The following GNA14 variants were observed in gnomAD, a reference collection of about 807,000 sequenced individuals.
GNA14 encodes the protein G protein subunit alpha 14.
A neutral mutation model predicts 42.0 loss-of-function variants in GNA14; 50 were observed. The observed-to-expected ratio is 1.19, with a 90% CI of 0.95 to 1.51. The LOEUF is 1.51. Among genes scored for constraint, GNA14 ranks in the 40% most tolerant of loss-of-function variants. GNA14 has a pLI of 0.00. For synonymous variants in GNA14, 173 were observed against 163.1 expected (o/e 1.06, Z -0.46); for missense variants, 473 against 446.2 (o/e 1.06, Z -0.54).
At chr9:77,510,258 A>T (rs764887300) in intron 2 of GNA14, among the ~76,000 whole-genome samples, 14 of 152,174 alleles carry the variant, frequency 9.2e-5, no homozygotes, top group Admixed American at 2.0e-4. Flanking sequence ...CATTTAACAC[A>T]GGTTTCCAAG....
intron 2 of GNA14, among the ~76,000 whole-genome samples, chr9:77,448,506 T>G (rs891504741): frequency 6.6e-6 from 1 of 152,240 alleles, no homozygotes; most frequent in African/African-American, 2.4e-5. Flanking sequence ...GCTATTCTGT[T>G]TGGCAGTTTA....
intron 1 of GNA14, among the ~76,000 whole-genome samples, chr9:77,591,007 C>T (rs898542810): frequency 2.6e-5 from 4 of 152,142 alleles, no homozygotes; most frequent in Non-Finnish European, 4.4e-5. Flanking sequence ...TAAAGAACCA[C>T]GGGTCACAAC....
intron 1 of GNA14, among the ~76,000 whole-genome samples, chr9:77,622,241 TAAC>T (rs144450180): frequency 5.3e-4 from 80 of 152,288 alleles, no homozygotes; most frequent in Non-Finnish European, 9.7e-4. Flanking sequence ...TCTTTGAAAT[TAAC>T]AACAACAACA....
At chr9:77,448,350 G>A (rs75326220) in intron 2 of GNA14, among the ~76,000 whole-genome samples, 7,195 of 152,228 alleles carry the variant, frequency 0.047, 209 homozygotes, top group Middle Eastern at 0.068. Context: ...TTTGAGTATC[G>A]AATCATTCTG....
At chr9:77,603,022 A>T (rs1363546806) in intron 1 of GNA14, among the ~76,000 whole-genome samples, 2 of 152,160 alleles carry the variant, frequency 1.3e-5, no homozygotes. Context: ...TGTCTTCATT[A>T]AAGTAGGGCA....
chr9:77,566,595 A>G (rs2889775), intron 1 of GNA14, among the ~76,000 whole-genome samples: 3,766 of 152,324 alleles, frequency 0.025, 168 homozygotes, highest in African/African-American at 0.085. Flanking sequence ...ATTCAAATTA[A>G]TCTTTAAAGA....
intron 2 of GNA14, among the ~76,000 whole-genome samples, chr9:77,508,853 G>A (rs1190640940): frequency 6.6e-6 from 1 of 152,084 alleles, no homozygotes; most frequent in Non-Finnish European, 1.5e-5. Context: ...GGCTCCTATT[G>A]GCCAATTTCC....
rs542572754 is a variant in GNA14, at chr9:77,572,131, G to A, written c.125-42878C>T. 5.3e-5 allele frequency among the ~76,000 whole-genome samples: 8 copies of A among 152,244 alleles called. No homozygotes were observed. In the South Asian group the frequency reaches 1.7e-3, roughly 32 times the overall value. ...TTCCCAGGTTAAGAAGAAAAGTCAA[G>A]TAATCTTGCAAATTACAAGTTTGTC... On this transcript the variant is annotated intron_variant, in intron 1 of 6. Coordinates refer to ENST00000341700, the MANE Select transcript of GNA14 (RefSeq NM_004297.4).
chr9:77,484,660 A>G (rs143810952), intron 2 of GNA14, among the ~76,000 whole-genome samples: 1 of 152,284 alleles, frequency 6.6e-6, no homozygotes, highest in African/African-American at 2.4e-5. Context: ...GTATATTCCA[A>G]GACCTTCAGT....
chr9:77,462,541 A>C (rs1057365480), intron 2 of GNA14, among the ~76,000 whole-genome samples: 2 of 152,080 alleles, frequency 1.3e-5, no homozygotes, highest in African/African-American at 4.8e-5. Context: ...AAACTGGTGA[A>C]ACCCTATCTC....
chr9:77,522,576 G>C (rs1461450938), intron 2 of GNA14, among the ~76,000 whole-genome samples: 1 of 152,184 alleles, frequency 6.6e-6, no homozygotes, highest in African/African-American at 2.4e-5. Flanking sequence ...TGACAGAAAA[G>C]CAGAATCCAA....
chr9:77,597,321 T>C (rs1003485538), intron 1 of GNA14, among the ~76,000 whole-genome samples: 4 of 152,178 alleles, frequency 2.6e-5, no homozygotes, highest in East Asian at 3.9e-4. Flanking sequence ...ATTTGTACCA[T>C]GTAAAACCCT....
chr9:77,522,667 A>ATTCTAAATTCTAAAATCACCT (rs1476701729), intron 2 of GNA14, among the ~76,000 whole-genome samples: 17 of 152,192 alleles, frequency 1.1e-4, no homozygotes, highest in Non-Finnish European at 2.2e-4. Context: ...ATCACCTGGG[A>ATTCTAAATTCTAAAATCACCT]GGGACCTAAA....
intron 1 of GNA14, among the ~76,000 whole-genome samples, chr9:77,557,906 C>A (rs1822814108): frequency 1.3e-5 from 2 of 152,126 alleles, no homozygotes; most frequent in African/African-American, 2.4e-5. Flanking sequence ...TCTTACCCAA[C>A]CCCTTCATTT....
chr9:77,430,595 C>CTAT (rs1835531264), intron 4 of GNA14, among the ~76,000 whole-genome samples: 2 of 152,268 alleles, frequency 1.3e-5, no homozygotes, highest in Non-Finnish European at 2.9e-5. Flanking sequence ...AAGCACTGAG[C>CTAT]TATAACTGGG....
chr9:77,609,857 A>C (rs2117941576), intron 1 of GNA14, among the ~76,000 whole-genome samples: 1 of 152,210 alleles, frequency 6.6e-6, no homozygotes, highest in Admixed American at 6.5e-5. Flanking sequence ...GCCCGCCACC[A>C]CCTCTTTCCT....
chr9:77,647,938 C>A lies in GNA14; in HGVS notation c.-145G>T, dbSNP rs147981179. 61 of 903,794 alleles carry A rather than the reference C, an allele frequency of 6.7e-5. No individual in the cohort carries two copies. The African/African-American group carries it at 1.0e-3, about 15-fold the overall frequency. 56.0% of individuals were successfully genotyped at this position (903,794 alleles called of 1,614,324 possible). A position where few individuals can be genotyped will look rare whatever the true frequency, so the allele number is the denominator to read the frequency against. ...CCGACTTGAGCTTTGGAGTAAGACG[C>A]CTGGACCTCCGAGGCTCAATCCCCC... is the stretch of plus-strand genomic sequence containing the variant. On this transcript the variant is annotated 5_prime_UTR_variant, in exon 1 of 7. Coordinates refer to ENST00000341700, the MANE Select transcript of GNA14 (RefSeq NM_004297.4).
At chr9:77,597,314 T>A (rs1227881229) in intron 1 of GNA14, among the ~76,000 whole-genome samples, 2 of 152,146 alleles carry the variant, frequency 1.3e-5, no homozygotes, top group Non-Finnish European at 2.9e-5. Context: ...ATGTTGCATT[T>A]GTACCATGTA....
intron 2 of GNA14, among the ~76,000 whole-genome samples, chr9:77,454,577 ATTTTTTT>A (rs35309093): frequency 7.8e-5 from 10 of 128,638 alleles, no homozygotes; most frequent in Admixed American, 7.9e-5. Context: ...GGCCATCAGG[ATTTTTTT>A]TTTTTTTTTT....
Sources: allele counts gnomAD v4.1 joint callset (sites outside exome capture counted in the v4.1 genomes callset), GRCh38; gene constraint gnomAD v4.1.1; transcripts MANE v1.5; gene names NCBI Gene and HGNC (gene_info 2026-07-23, HGNC 2026-07-21).